CASC3: variants seen among roughly 807,000 people sequenced by gnomAD.
CASC3 encodes CASC3 exon junction complex subunit.
A neutral mutation model predicts 80.5 loss-of-function variants in CASC3; 30 were observed. The ratio of observed to expected loss-of-function variants is 0.37; its 90% confidence interval spans 0.28 to 0.51. The LOEUF (loss-of-function observed/expected upper bound fraction) is 0.51. Ranked by LOEUF, CASC3 falls within the 20% of genes least tolerant of loss-of-function variation. The pLI is 0.94. For missense variants in CASC3, 824 were observed against 922.2 expected (o/e 0.89, Z 1.38); for synonymous variants, 312 against 333.6 (o/e 0.94, Z 0.70).
At chr17:40,155,461 A>G (rs377659132) in intron 3 of CASC3, among the ~76,000 whole-genome samples, 2 of 152,142 alleles carry the variant, frequency 1.3e-5, no homozygotes, top group African/African-American at 4.8e-5. Context: ...AGTTTTACTT[A>G]TAATAAAGCA....
chr17:40,168,258 A>G lies in CASC3; in HGVS notation c.1806A>G (p.Pro602=), dbSNP rs779254971. The change falls in exon 11 of 14, where the codon CCA becomes CCG. Residue 602 remains proline (P), a synonymous_variant. Coordinates refer to ENST00000264645, the MANE Select transcript of CASC3 (RefSeq NM_007359.5). The part of the protein sequence containing the change: ...APLPNPGLYP[P]PVSMSPGQPP... ...TGCCCAATCCAGGCCTCTATCCCCCACCAGTGTCCATGTCTCCAGGACAGC... is the reference window on the plus strand; with the variant it reads ...TGCCCAATCCAGGCCTCTATCCCCCGCCAGTGTCCATGTCTCCAGGACAGC... 6.2e-7 allele frequency: 1 copy of G among 1,613,830 alleles called. No individual in the cohort carries two copies. Among genetic ancestry groups the G allele is most frequent in the Non-Finnish European group, 8.5e-7 (1 of 1,179,954 alleles).
At chr17:40,142,161 A>G (rs774426120) in intron 3 of CASC3, among the ~76,000 whole-genome samples, 7 of 152,164 alleles carry the variant, frequency 4.6e-5, no homozygotes, top group Admixed American at 4.6e-4. Context: ...GGGATTATAT[A>G]TAGGGGGAAT....
At chr17:40,151,832 T>G (rs1340533444) in intron 3 of CASC3, among the ~76,000 whole-genome samples, 1 of 152,346 alleles carries the variant, frequency 6.6e-6, no homozygotes, top group African/African-American at 2.4e-5. Flanking sequence ...TTATGTAATA[T>G]GTAGATTTAT....
chr17:40,168,082 T>A, intron 10 of CASC3, 121 bp from the exon 11 acceptor site: 1 of 1,249,736 alleles, frequency 8.0e-7, no homozygotes, highest in South Asian at 1.3e-5. Context: ...GGCAACAAGT[T>A]CCTCTTGTGT....
chr17:40,168,784 T>C (rs542485859), intron 11 of CASC3: 4 of 268,558 alleles, frequency 1.5e-5, no homozygotes, highest in African/African-American at 9.1e-5. Flanking sequence ...GAGATGGCGT[T>C]TCACCATGTT....
rs775998787 is a variant in CASC3 at position 40,161,726 on chromosome 17, C to G, written c.298-27C>G. 1.9e-6 allele frequency: 3 copies of G among 1,606,760 alleles called. No individual in the cohort carries two copies. The African/African-American group carries it at 4.0e-5, about 22-fold the overall frequency. On this transcript the variant is annotated intron_variant, in intron 3 of 13. Transcript: ENST00000264645. Reference sequence around the variant, plus strand: ...AAATGCACCGTTCAGATCTTATATGCATCGCTGACAGGGAAACTTTTTTCA... The same window carrying G: ...AAATGCACCGTTCAGATCTTATATGGATCGCTGACAGGGAAACTTTTTTCA...
At chr17:40,143,378 G>A (rs1988772833) in intron 3 of CASC3, among the ~76,000 whole-genome samples, 1 of 151,958 alleles carries the variant, frequency 6.6e-6, no homozygotes, top group African/African-American at 2.4e-5. Flanking sequence ...CCTGGGAGGT[G>A]GAGGTGGCAG....
At position 40,171,180 on chromosome 17, in the gene CASC3, A is replaced by G. The variant is rs115459113; in HGVS notation, c.*775A>G. ...TTTTTAGGAGTCTGAGCATCCATCAATACCTGTACTATGATGGGCTTCTGT... is the reference window on the plus strand; with the variant it reads ...TTTTTAGGAGTCTGAGCATCCATCAGTACCTGTACTATGATGGGCTTCTGT... On this transcript the variant is annotated 3_prime_UTR_variant, in exon 14 of 14. Coordinates refer to ENST00000264645, the MANE Select transcript of CASC3 (RefSeq NM_007359.5). The G allele has an allele frequency of 2.1e-3, 2,047 of 985,920 alleles. 37 individuals carry two copies. The African/African-American group carries it at 0.031, about 15-fold the overall frequency. The allele number at this position is 985,920 out of a possible 1,614,324, so 61.1% of individuals were successfully genotyped here.
rs181045630 is a variant in CASC3, at chr17:40,161,515, C to G, written c.298-238C>G. Among the ~76,000 whole-genome samples the G allele has an allele frequency of 1.2e-4, 18 of 152,272 alleles. No individual in the cohort carries two copies. In the East Asian group the frequency reaches 3.3e-3, roughly 28 times the overall value. On this transcript the variant is annotated intron_variant, in intron 3 of 13. Transcript: ENST00000264645. The stretch of plus-strand genomic sequence containing the variant: ...CCAACATGGTGAAACCTGGTCTCTA[C>G]TAAACATACAAAAATTAGCCAGGCG...
chr17:40,153,558 T>C (rs1159884429), intron 3 of CASC3, among the ~76,000 whole-genome samples: 4 of 152,188 alleles, frequency 2.6e-5, no homozygotes, highest in Admixed American at 2.6e-4. Flanking sequence ...TGTAATCATT[T>C]GAGGAACTAG....
In CASC3 at chr17:40,170,609, C is replaced by T. The variant is rs192996360; in HGVS notation, c.*204C>T. 144 of 985,534 alleles carry T rather than the reference C, an allele frequency of 1.5e-4. No homozygotes were observed. The highest frequency in any genetic ancestry group is 1.7e-4 in the Non-Finnish European group (139 of 829,944). The allele number at this position is 985,534 out of a possible 1,614,324, so 61.0% of individuals were successfully genotyped here. On this transcript the variant is annotated 3_prime_UTR_variant, in exon 14 of 14. Transcript: ENST00000264645. Reference sequence around the variant, plus strand: ...TAGAGAGAGGGAGAAACAAGTGGACCTCGTCCCATCTTCACTCTTCACTTG... The same window carrying T: ...TAGAGAGAGGGAGAAACAAGTGGACTTCGTCCCATCTTCACTCTTCACTTG...
Position 40,161,995 on chromosome 17 carries a change from C to T in CASC3, c.457-7C>T, listed in dbSNP as rs766276788. 6.8e-6 allele frequency: 11 copies of T among 1,612,968 alleles called. No homozygotes were observed. Among genetic ancestry groups the T allele is most frequent in the Admixed American group, 1.7e-5 (1 of 59,760 alleles). The stretch of plus-strand genomic sequence containing the variant: ...GAAGAGTAAGGATCCCTTTATCTGT[C>T]CTCTAGGAGAGCACAGAGCCTGTGG... On this transcript the variant is annotated splice_region_variant and splice_polypyrimidine_tract_variant and intron_variant, in intron 4 of 13. Transcript: ENST00000264645.
Position 40,140,543 on chromosome 17 carries a change from CGTAAGATGGCG to C in CASC3, c.-4_7del, listed in dbSNP as rs1268410675. The C allele has an allele frequency of 6.2e-7, 1 of 1,605,966 alleles. No individual in the cohort carries two copies. Among genetic ancestry groups the C allele is most frequent in the Non-Finnish European group, 8.5e-7 (1 of 1,179,656 alleles). ...TACCTCGCCGGTGGTGGCCGTTCTCCGTAAGATGGCGGACCGGCGGCGGCAGCGCGCTTCGC... is the reference window on the plus strand; with the variant it reads ...TACCTCGCCGGTGGTGGCCGTTCTCCGACCGGCGGCGGCAGCGCGCTTCGC... On this transcript the variant is annotated start_lost and 5_prime_UTR_variant, in exon 1 of 14. Coordinates refer to ENST00000264645, the MANE Select transcript of CASC3 (RefSeq NM_007359.5).
chr17:40,167,817 G>T (rs745969167), intron 9 of CASC3, 33 bp from the exon 10 acceptor site: 32 of 1,565,766 alleles, frequency 2.0e-5, no homozygotes, highest in Non-Finnish European at 2.5e-5. Flanking sequence ...GAAGAGTAAG[G>T]GTTTATGAGA....
At chr17:40,147,914 A>G (rs947008950) in intron 3 of CASC3, among the ~76,000 whole-genome samples, 1 of 152,038 alleles carries the variant, frequency 6.6e-6, no homozygotes, top group African/African-American at 2.4e-5. Flanking sequence ...TGCCTTATAT[A>G]ATTTTCTTAA....
At chr17:40,169,566 C>T in intron 12 of CASC3, 32 bp from the exon 13 acceptor site, 1 of 1,583,240 alleles carries the variant, frequency 6.3e-7, no homozygotes, top group Non-Finnish European at 8.6e-7. Context: ...TTTGTTATGA[C>T]CTGATAACAA....
chr17:40,166,738 C>A (rs938525047), intron 7 of CASC3, 59 bp from the exon 8 acceptor site: 3 of 1,168,896 alleles, frequency 2.6e-6, no homozygotes, highest in Non-Finnish European at 3.6e-6. Context: ...TTGATAGTAT[C>A]TTTGAGTCCC....
At chr17:40,159,015 C>T (rs958571839) in intron 3 of CASC3, among the ~76,000 whole-genome samples, 6 of 152,080 alleles carry the variant, frequency 3.9e-5, no homozygotes, top group East Asian at 1.9e-4. Context: ...GCAGGAGGTT[C>T]GCTTGAGCTC....
rs2145147225 is a variant in CASC3 at position 40,140,759 on chromosome 17, A to G, written c.211A>G (p.Ser71Gly). The G allele has an allele frequency of 1.7e-6, 2 of 1,210,942 alleles. No homozygotes were observed. The highest frequency in any genetic ancestry group is 6.5e-5 in the East Asian group (1 of 15,404). 75.0% of individuals were successfully genotyped at this position (1,210,942 alleles called of 1,614,324 possible). The part of the protein sequence containing the change: ...LRRVESGGAK[S>G]AEESECESED... ...GCGGGTGGAGAGCGGGGGCGCCAAG[A>G]GTGCTGAGGAGTCGGAGTGTGTGAG... Residue 71 changes from serine (S) to glycine (G), a missense_variant, in exon 1 of 14, where the codon AGT (serine) becomes GGT (glycine). Ser to Gly is a moderately conservative substitution (Grantham distance 56). Around this residue, in one of 3 missense-constraint regions of CASC3, gnomAD observed 159 missense variants for 122.2 expected, o/e 1.30. Transcript: ENST00000264645.
Sources: allele counts gnomAD v4.1 joint callset (sites outside exome capture counted in the v4.1 genomes callset), GRCh38; gene constraint gnomAD v4.1.1; regional missense constraint gnomAD v4.1.1; transcripts MANE v1.5; gene names NCBI Gene and HGNC (gene_info 2026-07-23, HGNC 2026-07-21).